Variants in FRMD4A observed in about 807,000 individuals in gnomAD.
The protein encoded by FRMD4A is FERM domain containing 4A, also known as FERM domain-containing protein 4A.
FRMD4A carries 29 observed loss-of-function variants against 129.1 expected under a neutral mutation model. That is an observed-to-expected ratio of 0.22 (90% CI 0.17 to 0.31). The LOEUF is 0.31. FRMD4A is among the 10% of genes least tolerant of loss of function. The pLI, the probability that FRMD4A is intolerant of heterozygous loss-of-function variation, is 1.00. For synonymous variants in FRMD4A, 634 were observed against 571.6 expected (o/e 1.11, Z -1.56); for missense variants, 1,272 against 1,375.8 (o/e 0.92, Z 1.19).
Position 14,131,398 on chromosome 10 carries a change from C to CCCA in FRMD4A, c.45+198659_45+198660insTGG, listed in dbSNP as rs911286394. On this transcript the variant is annotated intron_variant, in intron 2 of 24. Transcript: ENST00000357447. ...AGCTCCTTAGCCCAACTCACTGTGC[C>CCCA]CCCCCCGGCCGCCCTGTTGTCTCTA... 2.0e-3 allele frequency among the ~76,000 whole-genome samples: 296 copies of CCCA among 144,568 alleles called. 2 individuals are homozygous for CCCA. The Middle Eastern group carries it at 0.021, about 10-fold the overall frequency. 94.8% of individuals were successfully genotyped at this position (144,568 alleles called of 152,430 possible). A position where few individuals can be genotyped will look rare whatever the true frequency, so the allele number is the denominator to read the frequency against.
At chr10:13,994,960 G>C (rs567321655) in intron 2 of FRMD4A, among the ~76,000 whole-genome samples, 5 of 152,298 alleles carry the variant, frequency 3.3e-5, no homozygotes, top group African/African-American at 1.2e-4. Flanking sequence ...TTTCTCAGGT[G>C]ACTAGAGTGA....
chr10:13,822,239 G>A (rs528676669), intron 3 of FRMD4A, among the ~76,000 whole-genome samples: 8 of 152,268 alleles, frequency 5.3e-5, no homozygotes, highest in Admixed American at 3.3e-4. Flanking sequence ...ACTACTCTCA[G>A]CAATTTTCAA....
intron 2 of FRMD4A, among the ~76,000 whole-genome samples, chr10:14,239,576 G>A (rs1419214353): frequency 2.6e-5 from 4 of 152,008 alleles, no homozygotes; most frequent in Non-Finnish European, 5.9e-5. Flanking sequence ...GCAGTGAGCC[G>A]AGATTGCGCC....
At chr10:14,052,741 T>G (rs1432767306) in intron 2 of FRMD4A, among the ~76,000 whole-genome samples, 1 of 152,022 alleles carries the variant, frequency 6.6e-6, no homozygotes, top group Admixed American at 6.6e-5. Flanking sequence ...TTTCTGTATT[T>G]TTAGTAGAGA....
At chr10:14,085,203 G>A (rs984403499) in intron 2 of FRMD4A, among the ~76,000 whole-genome samples, 4 of 152,138 alleles carry the variant, frequency 2.6e-5, no homozygotes, top group Non-Finnish European at 5.9e-5. Context: ...GCATGGTTAT[G>A]TCTAGGGATG....
At chr10:13,935,695 G>A (rs993274653) in intron 2 of FRMD4A, among the ~76,000 whole-genome samples, 9 of 152,206 alleles carry the variant, frequency 5.9e-5, no homozygotes, top group Non-Finnish European at 1.0e-4. Flanking sequence ...CAGCACCTGC[G>A]ATGTGCCAGG....
chr10:14,110,125 TAA>T (rs1554761010), intron 2 of FRMD4A, among the ~76,000 whole-genome samples: 3 of 89,518 alleles, frequency 3.4e-5, no homozygotes, highest in Non-Finnish European at 2.0e-5. Flanking sequence ...CGAGATGCTG[TAA>T]AAAAAAAAAA....
chr10:13,975,602 C>G (rs1170492522), intron 2 of FRMD4A, among the ~76,000 whole-genome samples: 1 of 149,702 alleles, frequency 6.7e-6, no homozygotes, highest in African/African-American at 2.5e-5. Flanking sequence ...GTGTGTCTGT[C>G]TCGTGTGTGT....
intron 16 of FRMD4A, among the ~76,000 whole-genome samples, chr10:13,670,959 A>G (rs929627270): frequency 2.6e-4 from 40 of 152,216 alleles, no homozygotes; most frequent in Non-Finnish European, 4.0e-4. Context: ...TTGACACTGC[A>G]TCAAATATTC....
chr10:13,688,589 G>A (rs1288620185), intron 15 of FRMD4A, among the ~76,000 whole-genome samples: 1 of 152,054 alleles, frequency 6.6e-6, no homozygotes, highest in Non-Finnish European at 1.5e-5. Flanking sequence ...AGAATCTGGT[G>A]ACGGATCTTG....
intron 2 of FRMD4A, among the ~76,000 whole-genome samples, chr10:14,300,366 CT>C (rs1846145533): frequency 6.6e-6 from 1 of 152,150 alleles, no homozygotes; most frequent in Non-Finnish European, 1.5e-5. Flanking sequence ...AATTCTCATC[CT>C]GTATTCACTT....
chr10:14,183,711 T>C (rs1268064915), intron 2 of FRMD4A, among the ~76,000 whole-genome samples: 1 of 152,178 alleles, frequency 6.6e-6, no homozygotes, highest in Non-Finnish European at 1.5e-5. Flanking sequence ...AACCATGGTA[T>C]CTAAATATGT....
intron 2 of FRMD4A, among the ~76,000 whole-genome samples, chr10:14,171,383 G>T (rs1208705159): frequency 2.6e-5 from 4 of 152,160 alleles, no homozygotes; most frequent in African/African-American, 4.8e-5. Flanking sequence ...TAAGCAGTGT[G>T]CCCAAGTGAA....
At chr10:14,169,824 C>T (rs534507567) in intron 2 of FRMD4A, among the ~76,000 whole-genome samples, 1 of 152,160 alleles carries the variant, frequency 6.6e-6, no homozygotes, top group Non-Finnish European at 1.5e-5. Context: ...CTGTCATAGG[C>T]TTGGGCATAA....
intron 2 of FRMD4A, among the ~76,000 whole-genome samples, chr10:13,991,240 A>T (rs1168754047): frequency 2.0e-5 from 3 of 152,202 alleles, no homozygotes; most frequent in Non-Finnish European, 4.4e-5. Flanking sequence ...GTAGAGTGAA[A>T]AGGACAAAAA....
At chr10:14,049,072 A>G (rs917767518) in intron 2 of FRMD4A, among the ~76,000 whole-genome samples, 1 of 152,204 alleles carries the variant, frequency 6.6e-6, no homozygotes, top group Non-Finnish European at 1.5e-5. Context: ...TCATGTAATA[A>G]GAAGTTGAGA....
chr10:13,719,197 G>C (rs1246696697), intron 12 of FRMD4A, among the ~76,000 whole-genome samples: 1 of 152,178 alleles, frequency 6.6e-6, no homozygotes, highest in Non-Finnish European at 1.5e-5. Flanking sequence ...AGCTGCAAGG[G>C]ATGCGATAAT....
chr10:13,828,056 A>G (rs1214479468), intron 3 of FRMD4A, among the ~76,000 whole-genome samples: 1 of 152,248 alleles, frequency 6.6e-6, no homozygotes. Context: ...AAGCTCCAGC[A>G]GGCCTCGTCT....
At chr10:14,201,333 T>C (rs1439613454) in intron 2 of FRMD4A, among the ~76,000 whole-genome samples, 3 of 152,176 alleles carry the variant, frequency 2.0e-5, no homozygotes, top group Non-Finnish European at 2.9e-5. Flanking sequence ...TATATCAAAT[T>C]CTCCCGGTTA....
Sources: allele counts gnomAD v4.1 joint callset (sites outside exome capture counted in the v4.1 genomes callset), GRCh38; gene constraint gnomAD v4.1.1; transcripts MANE v1.5; gene names NCBI Gene and HGNC (gene_info 2026-07-23, HGNC 2026-07-21).